Variants in TRHDE observed in about 807,000 individuals in gnomAD.
TRHDE encodes the protein thyrotropin-releasing hormone-degrading ectoenzyme.
Under a neutral mutation model 125.7 loss-of-function variants are expected in TRHDE, and 72 were observed. The observed-to-expected ratio is 0.57, with a 90% CI of 0.47 to 0.70. The LOEUF (loss-of-function observed/expected upper bound fraction) is 0.70, where lower values mean the gene tolerates loss of function less well. Ranked by LOEUF, TRHDE falls within the 30% of genes least tolerant of loss-of-function variation. The pLI is 0.00. For synonymous variants in TRHDE, 509 were observed against 509.1 expected (o/e 1.00, Z 0.00); for missense variants, 1,110 against 1,327.1 (o/e 0.84, Z 2.54).
intron 9 of TRHDE, among the ~76,000 whole-genome samples, chr12:72,564,729 G>A (rs1870356164): frequency 7.8e-6 from 1 of 128,436 alleles, no homozygotes; most frequent in South Asian, 2.7e-4. Flanking sequence ...GTGCAGTGAC[G>A]CGATCTCGGC....
chr12:72,532,984 A>G lies in TRHDE; in HGVS notation c.1723-9307A>G, dbSNP rs148999524. 3.0e-3 allele frequency among the ~76,000 whole-genome samples: 460 copies of G among 152,038 alleles called. 1 individual carries two copies. The highest frequency in any genetic ancestry group is 0.01 in the African/African-American group (420 of 41,504). ...TCATAGAAATTGTTGAAAAGCTTGT[A>G]CTCATTTTCAATTCCTTTATAGTAC... On this transcript the variant is annotated intron_variant, in intron 6 of 18. Coordinates refer to ENST00000261180, the MANE Select transcript of TRHDE (RefSeq NM_013381.3).
chr12:72,553,370 A>G (rs1869766576), intron 7 of TRHDE, among the ~76,000 whole-genome samples: 1 of 152,304 alleles, frequency 6.6e-6, no homozygotes, highest in Admixed American at 6.5e-5. Context: ...TTTGATTAAG[A>G]TGATCTATGA....
At chr12:72,503,409 G>A (rs1878234752) in intron 6 of TRHDE, among the ~76,000 whole-genome samples, 2 of 152,110 alleles carry the variant, frequency 1.3e-5, no homozygotes, top group Non-Finnish European at 2.9e-5. Context: ...TGATAAGCCT[G>A]TGCTTATGTT....
chr12:72,589,758 T>C (rs1871592144), intron 12 of TRHDE, among the ~76,000 whole-genome samples: 1 of 152,112 alleles, frequency 6.6e-6, no homozygotes. Context: ...ATGATTTCTC[T>C]CTTATTACAG....
intron 12 of TRHDE, among the ~76,000 whole-genome samples, chr12:72,611,646 AAAG>A (rs2136069467): frequency 6.6e-6 from 1 of 152,324 alleles, no homozygotes; most frequent in South Asian, 2.1e-4. Context: ...ATTGGAGTGT[AAAG>A]AAGAGAGGGA....
chr12:72,398,297 T>A (rs1872891440), intron 3 of TRHDE, among the ~76,000 whole-genome samples: 1 of 152,170 alleles, frequency 6.6e-6, no homozygotes, highest in African/African-American at 2.4e-5. Flanking sequence ...TAAACATACG[T>A]GTGCATGTGT....
intron 6 of TRHDE, among the ~76,000 whole-genome samples, chr12:72,511,064 C>T (rs910299637): frequency 6.6e-6 from 1 of 152,084 alleles, no homozygotes; most frequent in African/African-American, 2.4e-5. Flanking sequence ...TAAGAAAGAA[C>T]TTCTTGACAT....
At chr12:72,474,927 T>C (rs1390078636) in intron 5 of TRHDE, among the ~76,000 whole-genome samples, 2 of 152,196 alleles carry the variant, frequency 1.3e-5, no homozygotes, top group African/African-American at 4.8e-5. Context: ...GTGTTTTAAT[T>C]ATTTTCATGC....
In TRHDE at chr12:72,544,610, C is replaced by T. The variant is rs76637906; in HGVS notation, c.1788+2254C>T. Among the ~76,000 whole-genome samples, 899 of 151,076 alleles carry T rather than the reference C, an allele frequency of 6.0e-3. 12 individuals carry two copies. Among genetic ancestry groups the T allele is most frequent in the South Asian group, 0.016 (76 of 4,806 alleles). On this transcript the variant is annotated intron_variant, in intron 7 of 18. Transcript: ENST00000261180. ...TTTCTTCTTTTTTTCTGGACTCAGA[C>T]CTTAAACTTCATGTTCCACATAGGA... is the stretch of plus-strand genomic sequence containing the variant.
intron 12 of TRHDE, among the ~76,000 whole-genome samples, chr12:72,616,248 T>C (rs921274629): frequency 2.0e-5 from 3 of 152,150 alleles, no homozygotes; most frequent in African/African-American, 4.8e-5. Context: ...TAGATCCATG[T>C]CCTGCCTCCT....
At chr12:72,548,042 T>C (rs979672171) in intron 7 of TRHDE, among the ~76,000 whole-genome samples, 15 of 151,772 alleles carry the variant, frequency 9.9e-5, no homozygotes, top group African/African-American at 3.6e-4. Flanking sequence ...TGGAATCTGG[T>C]TTTGTCATTA....
chr12:72,539,711 C>T (rs1179292652), intron 6 of TRHDE, among the ~76,000 whole-genome samples: 1 of 151,810 alleles, frequency 6.6e-6, no homozygotes, highest in Non-Finnish European at 1.5e-5. Context: ...GGTTTATAAG[C>T]ATACTTTTGT....
intron 2 of TRHDE, chr12:72,303,322 A>G (rs1868290440): frequency 6.6e-6 from 1 of 152,120 alleles, no homozygotes; most frequent in Non-Finnish European, 1.5e-5. Flanking sequence ...TTTTTGCAGT[A>G]TCGTCTATGG....
At chr12:72,661,163 C>T (rs955907767) in intron 18 of TRHDE, among the ~76,000 whole-genome samples, 1 of 152,184 alleles carries the variant, frequency 6.6e-6, no homozygotes, top group Non-Finnish European at 1.5e-5. Flanking sequence ...CACCAGTTCA[C>T]ATTTTCTGTT....
chr12:72,285,099 C>A (rs546209346), intron 1 of TRHDE, among the ~76,000 whole-genome samples: 3 of 152,082 alleles, frequency 2.0e-5, no homozygotes, highest in African/African-American at 7.2e-5. Flanking sequence ...AAAAATGAGG[C>A]CCTCAATGAT....
chr12:72,547,876 C>G (rs528967662), intron 7 of TRHDE, among the ~76,000 whole-genome samples: 1 of 151,818 alleles, frequency 6.6e-6, no homozygotes, highest in Non-Finnish European at 1.5e-5. Context: ...TGCACAGAAG[C>G]TCAAGTTACA....
intron 6 of TRHDE, among the ~76,000 whole-genome samples, chr12:72,539,469 A>G (rs1158371192): frequency 1.3e-5 from 2 of 151,806 alleles, no homozygotes; most frequent in African/African-American, 4.8e-5. Flanking sequence ...TGCATGCAGA[A>G]TTTTCTCTTT....
intron 12 of TRHDE, among the ~76,000 whole-genome samples, chr12:72,614,172 T>C (rs546401178): frequency 8.6e-5 from 13 of 151,790 alleles, no homozygotes; most frequent in Non-Finnish European, 1.3e-4. Context: ...ACCTCCAGCA[T>C]TGGGAATTGC....
At chr12:72,144,884 G>A (rs1876194376) in intron 2 of TRHDE, among the ~76,000 whole-genome samples, 1 of 152,184 alleles carries the variant, frequency 6.6e-6, no homozygotes, top group South Asian at 2.1e-4. Context: ...GGAGGGCCAA[G>A]GATAGGGTAA....
Sources: allele counts gnomAD v4.1 joint callset (sites outside exome capture counted in the v4.1 genomes callset), GRCh38; gene constraint gnomAD v4.1.1; transcripts MANE v1.5; gene names NCBI Gene and HGNC (gene_info 2026-07-23, HGNC 2026-07-21).